The following ZNF730 variants were observed in gnomAD, a reference collection of about 807,000 sequenced individuals.
ZNF730 encodes zinc finger protein 730, also known as putative zinc finger protein 730.
In ZNF730, 12 loss-of-function variants were observed where a neutral mutation model predicts 12.6. The observed-to-expected ratio is 0.95, with a 90% confidence interval of 0.61 to 1.54. The LOEUF is 1.54. Ranked by LOEUF, ZNF730 falls within the 40% of genes most tolerant of loss-of-function variation. The probability of loss-of-function intolerance (pLI) is 0.00; values close to 1 mark genes in which losing one functional copy is unlikely to be tolerated. For missense variants in ZNF730, 643 were observed against 583.5 expected (o/e 1.10, Z -1.05); for synonymous variants, 194 against 195.8 (o/e 0.99, Z 0.08).
intron 1 of ZNF730, among the ~76,000 whole-genome samples, chr19:23,078,042 G>A (rs961295374): frequency 6.6e-5 from 10 of 152,122 alleles, no homozygotes; most frequent in African/African-American, 2.2e-4. Flanking sequence ...GCTGAAGGCC[G>A]CAGGGACCTC....
chr19:23,135,660 GCCA>G (rs1970820199), intron 2 of ZNF730, among the ~76,000 whole-genome samples: 2 of 151,866 alleles, frequency 1.3e-5, no homozygotes. Context: ...ACAGGCGTGT[GCCA>G]CCACACCTAG....
At chr19:23,117,414 C>T (rs1970544766) in intron 1 of ZNF730, among the ~76,000 whole-genome samples, 1 of 152,180 alleles carries the variant, frequency 6.6e-6, no homozygotes, top group Non-Finnish European at 1.5e-5. Context: ...GGAGCCCTCT[C>T]TGGGCAGCTC....
At chr19:23,127,140 T>C (rs8812) in intron 1 of ZNF730, 3 of 515,496 alleles carry the variant, frequency 5.8e-6, no homozygotes, top group East Asian at 4.9e-5. Context: ...GGTTATGATA[T>C]TCTAAAAGAA....
At chr19:23,114,305 C>CTTTCTTTTT (rs1970490241), upstream of ZNF730, among the ~76,000 whole-genome samples, 3 of 103,508 alleles carry the variant, frequency 2.9e-5, no homozygotes, top group Admixed American at 1.0e-4. Flanking sequence ...TTTTTCTTTT[C>CTTTCTTTTT]TTTTTTTTTT....
exon 1 of ZNF730, chr19:23,075,322 C>G (rs1452931805): frequency 6.5e-6 from 1 of 153,912 alleles, no homozygotes; most frequent in Non-Finnish European, 1.5e-5. Context: ...CTCTGTTGCC[C>G]TGTGATCTGC....
intron 1 of ZNF730, among the ~76,000 whole-genome samples, chr19:23,129,392 G>A (rs532305662): frequency 1.3e-5 from 2 of 152,100 alleles, no homozygotes; most frequent in South Asian, 2.1e-4. Flanking sequence ...TGCTCAAGAC[G>A]ATGGGAACCC....
intron 1 of ZNF730, among the ~76,000 whole-genome samples, chr19:23,119,645 T>C (rs912031811): frequency 6.6e-6 from 1 of 152,080 alleles, no homozygotes; most frequent in Non-Finnish European, 1.5e-5. Context: ...GGTGAAACCC[T>C]GTCTCTACTA....
At chr19:23,098,746 T>G (rs1599577260) in intron 1 of ZNF730, among the ~76,000 whole-genome samples, 1 of 152,088 alleles carries the variant, frequency 6.6e-6, no homozygotes, top group Non-Finnish European at 1.5e-5. Context: ...AGGGAAAATT[T>G]TACATATCAT....
rs182829431 is a variant in ZNF730 at position 23,102,488 on chromosome 19, T to A, written c.-94+27101T>A. Among the ~76,000 whole-genome samples the A allele has an allele frequency of 5.2e-3, 789 of 151,918 alleles. 11 individuals are homozygous for A. Among genetic ancestry groups the A allele is most frequent in the Non-Finnish European group, 4.3e-3 (295 of 67,930 alleles). On this transcript the variant is annotated intron_variant, in intron 1 of 2. Coordinates refer to the ZNF730 transcript ENST00000593635. Reference sequence around the variant, plus strand: ...TGATGATGTTGATCCTTTTTTTTTTTTTATTTTATTTATTTTTTTTATTTT... The same window carrying A: ...TGATGATGTTGATCCTTTTTTTTTTATTATTTTATTTATTTTTTTTATTTT...
intron 1 of ZNF730, among the ~76,000 whole-genome samples, chr19:23,079,312 C>T (rs1038166992): frequency 1.2e-4 from 18 of 152,226 alleles, no homozygotes; most frequent in African/African-American, 4.3e-4. Flanking sequence ...CATGCGCCAC[C>T]ACGCCCAGCT....
At chr19:23,077,896 A>G (rs1006374506) in intron 1 of ZNF730, among the ~76,000 whole-genome samples, 1 of 152,184 alleles carries the variant, frequency 6.6e-6, no homozygotes, top group Non-Finnish European at 1.5e-5. Context: ...CACAGAGACA[A>G]GTGCTGTGTT....
upstream of ZNF730, among the ~76,000 whole-genome samples, chr19:23,114,420 C>G (rs1168350237): frequency 2.7e-5 from 4 of 149,108 alleles, no homozygotes; most frequent in African/African-American, 9.8e-5. Context: ...CATTCTCCTG[C>G]CTCAGCCTCC....
At chr19:23,077,342 C>G (rs1019628482) in intron 1 of ZNF730, among the ~76,000 whole-genome samples, 1 of 151,664 alleles carries the variant, frequency 6.6e-6, no homozygotes, top group Non-Finnish European at 1.5e-5. Flanking sequence ...GTGATCTGCC[C>G]GCCTTGGCCT....
At chr19:23,125,265 G>A (rs886314208) in intron 1 of ZNF730, among the ~76,000 whole-genome samples, 3 of 152,084 alleles carry the variant, frequency 2.0e-5, no homozygotes, top group Non-Finnish European at 4.4e-5. Flanking sequence ...AGTAGAGCCG[G>A]GCATTGATGA....
At chr19:23,114,259 ACT>A (rs1970488104), upstream of ZNF730, among the ~76,000 whole-genome samples, 1 of 147,134 alleles carries the variant, frequency 6.8e-6, no homozygotes, top group Non-Finnish European at 1.5e-5. Flanking sequence ...GCCCAATAAA[ACT>A]CTGTTAAATT....
chr19:23,134,402 C>T (rs533115948), intron 2 of ZNF730, among the ~76,000 whole-genome samples, 196 bp downstream of exon 2: 89 of 148,262 alleles, frequency 6.0e-4, no homozygotes, highest in Non-Finnish European at 1.1e-3. Context: ...GTCAGCCCCC[C>T]GCCCGGCCAG....
intron 1 of ZNF730, among the ~76,000 whole-genome samples, chr19:23,085,836 CTTTTTTTTTT>C (rs556123915): frequency 4.4e-4 from 24 of 54,854 alleles, no homozygotes; most frequent in African/African-American, 6.6e-4. Flanking sequence ...ATTTTTTTTT[CTTTTTTTTTT>C]TTTTTTTTTT....
intron 1 of ZNF730, chr19:23,124,019 AC>A (rs1970631823): frequency 6.6e-6 from 1 of 151,884 alleles, no homozygotes; most frequent in Non-Finnish European, 1.5e-5. Flanking sequence ...CATTCCCATT[AC>A]TGTGAAGGTG....
chr19:23,082,098 T>C (rs1203629176), intron 1 of ZNF730, among the ~76,000 whole-genome samples: 1 of 152,208 alleles, frequency 6.6e-6, no homozygotes, highest in Admixed American at 6.5e-5. Flanking sequence ...ATTGTCATCC[T>C]ACTGTGTAAT....
Sources: allele counts gnomAD v4.1 joint callset (sites outside exome capture counted in the v4.1 genomes callset), GRCh38; gene constraint gnomAD v4.1.1; transcripts MANE v1.5; gene names NCBI Gene and HGNC (gene_info 2026-07-23, HGNC 2026-07-21).